Variants in RBFOX1 observed in about 807,000 individuals in gnomAD.
RBFOX1 encodes the protein RNA binding fox-1 homolog 1, also known as RNA binding protein fox-1 homolog 1.
RBFOX1 carries 8 observed loss-of-function variants against 57.7 expected under a neutral mutation model. That is an observed-to-expected ratio of 0.14 (90% CI 0.08 to 0.25). RBFOX1 has a LOEUF of 0.25. Among genes scored for constraint, RBFOX1 ranks in the 10% least tolerant of loss-of-function variants. The pLI is 1.00. For synonymous variants in RBFOX1, 326 were observed against 222.4 expected (o/e 1.47, Z -4.15); for missense variants, 611 against 548.5 (o/e 1.11, Z -1.14).
intron 3 of RBFOX1, among the ~76,000 whole-genome samples, chr16:7,002,099 A>AT (rs2092868130): frequency 7.0e-6 from 1 of 143,344 alleles, no homozygotes; most frequent in African/African-American, 2.5e-5. Flanking sequence ...GCTATGGAGA[A>AT]ATTTTTTTTT....
intron 4 of RBFOX1, among the ~76,000 whole-genome samples, chr16:7,329,447 A>G (rs897766996): frequency 6.6e-6 from 1 of 152,210 alleles, no homozygotes; most frequent in African/African-American, 2.4e-5. Context: ...CATAGTGTCG[A>G]CCTTCTAGAG....
chr16:7,033,803 A>G (rs2043464395), intron 3 of RBFOX1, among the ~76,000 whole-genome samples: 1 of 152,048 alleles, frequency 6.6e-6, no homozygotes, highest in South Asian at 2.1e-4. Context: ...CCTCATCTCT[A>G]CTAAAAATAA....
chr16:6,778,068 G>C (rs1169631943), intron 3 of RBFOX1, among the ~76,000 whole-genome samples: 1 of 152,076 alleles, frequency 6.6e-6, no homozygotes, highest in Admixed American at 6.5e-5. Context: ...AACATAAACG[G>C]AATAACAAAT....
At chr16:7,389,691 C>T (rs1378985681) in intron 4 of RBFOX1, among the ~76,000 whole-genome samples, 1 of 152,128 alleles carries the variant, frequency 6.6e-6, no homozygotes, top group Non-Finnish European at 1.5e-5. Context: ...CTGGAGTTTA[C>T]AGTATGTACA....
intron 3 of RBFOX1, among the ~76,000 whole-genome samples, chr16:6,916,597 C>G (rs750475455): frequency 1.3e-5 from 2 of 152,022 alleles, no homozygotes; most frequent in Admixed American, 1.3e-4. Flanking sequence ...ACTTGTAAGG[C>G]CTTCCATCTT....
At chr16:5,907,016 CATGA>C (rs780385657) in intron 4 of RBFOX1, among the ~76,000 whole-genome samples, 159 of 152,190 alleles carry the variant, frequency 1.0e-3, no homozygotes, top group Non-Finnish European at 1.6e-3. Context: ...GGATTACAGG[CATGA>C]GCCACTGTGC....
chr16:5,465,593 C>T (rs1301259816), intron 1 of RBFOX1, among the ~76,000 whole-genome samples: 3 of 152,178 alleles, frequency 2.0e-5, no homozygotes, highest in African/African-American at 7.2e-5. Flanking sequence ...TCATGTCCCC[C>T]AGGACTCCTC....
chr16:6,344,406 TC>T (rs1376233300), intron 2 of RBFOX1, among the ~76,000 whole-genome samples: 5 of 108,542 alleles, frequency 4.6e-5, no homozygotes, highest in African/African-American at 5.1e-5. Context: ...TTCTTTTTTT[TC>T]TTTTTTTTTT....
chr16:7,712,012 T>C lies in RBFOX1; in HGVS notation c.*1267T>C, dbSNP rs989496652. On this transcript the variant is annotated 3_prime_UTR_variant, in exon 16 of 16. Transcript: ENST00000550418. ...GTTCTGTCTCCAAGGCCCAGGACAC[T>C]TGTCAGAAGGATGCAAAAAAAGAAA... The C allele has an allele frequency of 3.3e-5, 5 of 152,422 alleles. No homozygotes were observed. The highest frequency in any genetic ancestry group is 1.2e-4 in the African/African-American group (5 of 41,322). The allele number at this position is 152,422 out of a possible 1,614,324, so 9.4% of individuals were successfully genotyped here.
rs79548127 is a variant in RBFOX1 at position 7,305,660 on chromosome 16, A to G, written c.28-212487A>G. Among the ~76,000 whole-genome samples the G allele has an allele frequency of 3.9e-3, 601 of 152,270 alleles. 5 individuals are homozygous for G. Among genetic ancestry groups the G allele is most frequent in the African/African-American group, 0.014 (573 of 41,536 alleles). ...TGTTAAAGGAATGTATATTTTTATA[A>G]AATGTCAGGATTCTGTTTTGAACAT... On this transcript the variant is annotated intron_variant, in intron 4 of 15. Coordinates refer to ENST00000550418, the MANE Select transcript of RBFOX1 (RefSeq NM_018723.4).
At chr16:5,597,678 A>G (rs1415374303) in intron 2 of RBFOX1, among the ~76,000 whole-genome samples, 1 of 151,948 alleles carries the variant, frequency 6.6e-6, no homozygotes, top group South Asian at 2.1e-4. Context: ...GATTAATGAC[A>G]TTGTAGAGCT....
At chr16:7,619,502 A>T (rs2058976461) in intron 10 of RBFOX1, among the ~76,000 whole-genome samples, 1 of 37,226 alleles carries the variant, frequency 2.7e-5, no homozygotes, top group African/African-American at 1.1e-4. Flanking sequence ...TTTTAAGCCT[A>T]ATCTGAGAAG....
chr16:5,334,909 G>A (rs561744640), intron 1 of RBFOX1, among the ~76,000 whole-genome samples: 1 of 152,130 alleles, frequency 6.6e-6, no homozygotes, highest in South Asian at 2.1e-4. Flanking sequence ...CAGTGAGGCT[G>A]TAATGAGTAG....
At position 6,019,330 on chromosome 16, in the gene RBFOX1, T is replaced by TGCC; in HGVS notation, c.-782_-780dup. The stretch of plus-strand genomic sequence containing the variant: ...TTTCCAGTCCCCGTGCGAGCCGCGC[T>TGCC]GCCGCCGCCTCCTCCAGCCAGAGTC... On this transcript the variant is annotated 5_prime_UTR_variant, in exon 1 of 16. Transcript: ENST00000550418. The surrounding 1 kb of genome is among the most constrained non-coding windows in gnomAD (Gnocchi z 4.2). The TGCC allele has an allele frequency of 1.0e-6, 1 of 984,896 alleles. No homozygotes were observed. Among genetic ancestry groups the TGCC allele is most frequent in the Non-Finnish European group, 1.2e-6 (1 of 830,054 alleles). 61.0% of individuals were successfully genotyped at this position (984,896 alleles called of 1,614,324 possible).
intron 4 of RBFOX1, among the ~76,000 whole-genome samples, chr16:5,984,980 T>A (rs867846039): frequency 0.025 from 2,232 of 87,954 alleles, 4 homozygotes; most frequent in East Asian, 0.041. Flanking sequence ...ATATATATTT[T>A]TTTTTTTTTT....
At chr16:7,438,202 G>T (rs2098737848) in intron 4 of RBFOX1, among the ~76,000 whole-genome samples, 1 of 152,164 alleles carries the variant, frequency 6.6e-6, no homozygotes, top group Non-Finnish European at 1.5e-5. Context: ...TTACTAACCA[G>T]GGTACAGTGG....
At chr16:6,961,138 C>T (rs573880957) in intron 3 of RBFOX1, among the ~76,000 whole-genome samples, 1 of 150,018 alleles carries the variant, frequency 6.7e-6, no homozygotes, top group South Asian at 2.1e-4. Context: ...GACTCCATCA[C>T]ACACACCCAC....
intron 4 of RBFOX1, among the ~76,000 whole-genome samples, chr16:7,064,880 G>T (rs1000881416): frequency 1.3e-5 from 2 of 152,096 alleles, no homozygotes; most frequent in African/African-American, 4.8e-5. Flanking sequence ...TTTTAAACTA[G>T]CTGTGGTATG....
intron 3 of RBFOX1, 100 bp downstream of exon 3, chr16:6,654,750 A>G (rs1313105245): frequency 1.5e-5 from 12 of 805,762 alleles, no homozygotes; most frequent in Admixed American, 6.9e-5. Flanking sequence ...GATGGTTTTT[A>G]GGTGATTCAC....
Sources: allele counts gnomAD v4.1 joint callset (sites outside exome capture counted in the v4.1 genomes callset), GRCh38; gene constraint gnomAD v4.1.1; non-coding constraint Gnocchi (gnomAD v3.1); transcripts MANE v1.5; gene names NCBI Gene and HGNC (gene_info 2026-07-23, HGNC 2026-07-21).